SH2D3C: variants seen among roughly 807,000 people sequenced by gnomAD.
SH2D3C encodes the protein SH2 domain-containing protein 3C.
SH2D3C carries 25 observed loss-of-function variants against 75.2 expected under a neutral mutation model. That is an observed-to-expected ratio of 0.33 (90% CI 0.24 to 0.46). The LOEUF is 0.46. SH2D3C is among the 20% of genes least tolerant of loss of function. The pLI is 1.00. For missense variants in SH2D3C, 933 were observed against 1,165.3 expected, an observed-to-expected ratio of 0.80 and a Z score of 2.90; for synonymous variants, 450 against 473.7, an observed-to-expected ratio of 0.95 and a Z score of 0.65.
In SH2D3C at chr9:127,751,141, C is replaced by T. The variant is rs781550557; in HGVS notation, c.684+31G>A. On this transcript the variant is annotated intron_variant, in intron 4 of 11. Coordinates refer to ENST00000314830, the MANE Select transcript of SH2D3C (RefSeq NM_170600.3). This position sits in a 1 kb window ranked among gnomAD's most constrained non-coding sequence, Gnocchi z 4.1. ...GCCAAGGCAGTGGGTGGGAGGGTCC[C>T]GGGTTGAAGTCCAGCTCGGGGCCTA... The T allele has an allele frequency of 9.3e-6, 15 of 1,610,720 alleles. No homozygotes were observed. Among genetic ancestry groups the T allele is most frequent in the Admixed American group, 3.3e-5 (2 of 59,838 alleles).
intron 5 of SH2D3C, 144 bp from the exon 6 acceptor site, chr9:127,747,415 AC>A: frequency 1.4e-6 from 1 of 738,310 alleles, no homozygotes; most frequent in Non-Finnish European, 2.1e-6. Context: ...ACTGACAGGT[AC>A]CAAAAAAACT....
intron 2 of SH2D3C, among the ~76,000 whole-genome samples, chr9:127,773,592 AG>A (rs1845767907): frequency 6.6e-6 from 1 of 152,134 alleles, no homozygotes; most frequent in Admixed American, 6.6e-5. Context: ...CCTGGTCTAC[AG>A]TAAGCACCTG....
At chr9:127,753,761 C>T (rs151149650) in intron 3 of SH2D3C, among the ~76,000 whole-genome samples, 2 of 152,334 alleles carry the variant, frequency 1.3e-5, no homozygotes, top group East Asian at 3.9e-4. Flanking sequence ...GGAACCAAGA[C>T]CTCAGCCTTC....
In SH2D3C at chr9:127,746,675, C is replaced by T. The variant is rs567528091; in HGVS notation, c.1264+472G>A. Among the ~76,000 whole-genome samples the T allele has an allele frequency of 2.5e-3, 369 of 150,400 alleles. 1 individual carries two copies. The highest frequency in any genetic ancestry group is 8.6e-3 in the African/African-American group (352 of 40,850). ...AAAATTAGCTAGGCATGGTGGCACA[C>T]GCCTGTAATCCCAGCACTGTGGGAG... On this transcript the variant is annotated intron_variant, in intron 6 of 11. Coordinates refer to ENST00000314830, the MANE Select transcript of SH2D3C (RefSeq NM_170600.3).
intron 3 of SH2D3C, among the ~76,000 whole-genome samples, chr9:127,752,580 T>C (rs1845231930): frequency 6.6e-6 from 1 of 152,152 alleles, no homozygotes; most frequent in Admixed American, 6.6e-5. Flanking sequence ...CTCCTCAGAC[T>C]ATCCACAGAT....
intron 1 of SH2D3C, among the ~76,000 whole-genome samples, chr9:127,776,512 G>A (rs1007173288): frequency 3.9e-5 from 6 of 152,150 alleles, no homozygotes; most frequent in Admixed American, 6.5e-5. Flanking sequence ...GGGTGTATGT[G>A]AGTTCCCTCC....
chr9:127,740,449 CA>C, intron 9 of SH2D3C, 80 bp from the exon 10 acceptor site: 1 of 913,032 alleles, frequency 1.1e-6, no homozygotes, highest in South Asian at 1.3e-5. Context: ...AGTGGACACC[CA>C]GATGTGGGAT....
chr9:127,757,897 G>A (rs925527017), intron 3 of SH2D3C, among the ~76,000 whole-genome samples: 3 of 151,566 alleles, frequency 2.0e-5, no homozygotes, highest in African/African-American at 4.8e-5. Flanking sequence ...CTGACCTCAA[G>A]TAATCCACCC....
At chr9:127,758,829 A>G (rs1019991089) in intron 3 of SH2D3C, among the ~76,000 whole-genome samples, 1 of 152,180 alleles carries the variant, frequency 6.6e-6, no homozygotes, top group African/African-American at 2.4e-5. Flanking sequence ...CAGCTCCCCA[A>G]CTAAAAGTCA....
intron 2 of SH2D3C, chr9:127,767,259 C>A: frequency 6.8e-7 from 1 of 1,460,972 alleles, no homozygotes; most frequent in South Asian, 1.4e-5. Flanking sequence ...AGCTGCCACC[C>A]AAGTCTCAAA....
At chr9:127,766,947 T>G (rs1375499998) in intron 2 of SH2D3C, 4 of 1,535,898 alleles carry the variant, frequency 2.6e-6, no homozygotes, top group Non-Finnish European at 3.5e-6. Context: ...AGCTTCTCAG[T>G]CCTTAAAGGC....
chr9:127,767,013 G>A (rs945921508), intron 2 of SH2D3C: 12 of 1,536,040 alleles, frequency 7.8e-6, no homozygotes, highest in Non-Finnish European at 1.0e-5. Context: ...ACCAGCCATG[G>A]GGCCTGTGGG....
At chr9:127,744,214 G>A (rs1173814842) in intron 7 of SH2D3C, among the ~76,000 whole-genome samples, 2 of 151,910 alleles carry the variant, frequency 1.3e-5, no homozygotes, top group Admixed American at 6.6e-5. Context: ...GGGATTACAG[G>A]CGCCCACCAC....
Position 127,749,232 on chromosome 9 carries a change from C to G in SH2D3C, c.1118G>C (p.Arg373Pro), listed in dbSNP as rs767967113. 6.4e-6 allele frequency: 10 copies of G among 1,566,476 alleles called. No homozygotes were observed. In the South Asian group the frequency reaches 1.1e-4, roughly 17 times the overall value. ...TDGLTADKVT[R>P]SDGCPTSTSL... ...TGACCTGGTGGGGCAGCCATCGCTG[C>G]GGGTGACCTTGTCAGCAGTGAGCCC... Residue 373 changes from arginine (R) to proline (P), a missense_variant, in exon 5 of 12, where the codon CGC becomes CCC. Physicochemically the swap from Arg to Pro is moderately radical, Grantham distance 103. Transcript: ENST00000314830. This position sits in a 1 kb window ranked among gnomAD's most constrained non-coding sequence, Gnocchi z 5.9.
intron 2 of SH2D3C, chr9:127,771,159 C>A: frequency 6.6e-7 from 1 of 1,512,716 alleles, no homozygotes; most frequent in Non-Finnish European, 8.9e-7. Context: ...CCCGCTGGCC[C>A]TCCCCAGGCC....
chr9:127,739,847 G>A lies in SH2D3C; in HGVS notation c.2242C>T (p.Pro748Ser). 2 of 1,569,948 alleles carry A rather than the reference G, an allele frequency of 1.3e-6. No homozygotes were observed. Among genetic ancestry groups the A allele is most frequent in the South Asian group, 1.2e-5 (1 of 86,452 alleles). The change falls in exon 11 of 12, where the codon CCC becomes TCC. Residue 748 changes from proline to serine, a missense_variant. Pro to Ser is a moderately conservative substitution (Grantham distance 74). Transcript: ENST00000314830. This position sits in a 1 kb window ranked among gnomAD's most constrained non-coding sequence, Gnocchi z 4.3. ...LSNTTFPHVL[P>S]LITLLECDSA... ...TCACACTCCAGCAGGGTGATGAGGG[G>A]CAGCACATGAGGAAACGTGGTGTTG...
intron 1 of SH2D3C, among the ~76,000 whole-genome samples, chr9:127,776,434 T>C (rs559626381): frequency 1.3e-5 from 2 of 152,074 alleles, no homozygotes; most frequent in African/African-American, 4.8e-5. Flanking sequence ...CTCTCCTTCC[T>C]GTCAGCTGAG....
chr9:127,778,575 G>T lies in SH2D3C; in HGVS notation c.37+16C>A, dbSNP rs112016864. Reference sequence around the variant, plus strand: ...GCCAGGGATGGAGGACAGTGCAGACGGCACCCCACACTCACTGAACTTTTT... The same window carrying T: ...GCCAGGGATGGAGGACAGTGCAGACTGCACCCCACACTCACTGAACTTTTT... On this transcript the variant is annotated intron_variant, in intron 1 of 11. Coordinates refer to ENST00000314830, the MANE Select transcript of SH2D3C (RefSeq NM_170600.3). 5.2e-5 allele frequency: 83 copies of T among 1,601,560 alleles called. No individual in the cohort carries two copies. The African/African-American group carries it at 8.2e-4, about 16-fold the overall frequency.
chr9:127,757,645 G>GATGATGATTATTATT (rs749540385), intron 3 of SH2D3C, among the ~76,000 whole-genome samples: 6 of 121,514 alleles, frequency 4.9e-5, no homozygotes, highest in Non-Finnish European at 6.7e-5. Context: ...TGATGATGAT[G>GATGATGATTATTATT]ATTATTATTA....
Sources: allele counts gnomAD v4.1 joint callset (sites outside exome capture counted in the v4.1 genomes callset), GRCh38; gene constraint gnomAD v4.1.1; non-coding constraint Gnocchi (gnomAD v3.1); transcripts MANE v1.5; gene names NCBI Gene and HGNC (gene_info 2026-07-23, HGNC 2026-07-21).